CACNA1A: variants seen among roughly 807,000 people sequenced by gnomAD.
CACNA1A encodes the protein voltage-dependent P/Q-type calcium channel subunit alpha-1A.
Under a neutral mutation model 262.4 loss-of-function variants are expected in CACNA1A, and 57 were observed. The observed-to-expected ratio is 0.22, with a 90% CI of 0.18 to 0.27. The LOEUF (loss-of-function observed/expected upper bound fraction) is 0.27, where lower values mean the gene tolerates loss of function less well. Among genes scored for constraint, CACNA1A ranks in the 10% least tolerant of loss-of-function variants. CACNA1A has a pLI of 1.00. For missense variants in CACNA1A, 2,526 were observed against 3,562.8 expected (o/e 0.71, Z 7.41); for synonymous variants, 1,431 against 1,419.3 (o/e 1.01, Z -0.18).
At chr19:13,281,911 C>G (rs1238538548) in intron 22 of CACNA1A, among the ~76,000 whole-genome samples, 1 of 152,298 alleles carries the variant, frequency 6.6e-6, no homozygotes, top group East Asian at 1.9e-4. Flanking sequence ...CTGCCGTGCC[C>G]CCTGGATCAT....
chr19:13,460,227 A>G (rs12974636), intron 1 of CACNA1A, among the ~76,000 whole-genome samples: 23,363 of 152,120 alleles, frequency 0.15, 2,061 homozygotes, highest in East Asian at 0.25. Flanking sequence ...TGCATTTAAA[A>G]AGATCGCCAG....
chr19:13,504,232 A>T (rs1284312746), intron 1 of CACNA1A, among the ~76,000 whole-genome samples: 1 of 152,164 alleles, frequency 6.6e-6, no homozygotes. Context: ...TGAGCACTTC[A>T]ATGGGCCTGG....
chr19:13,359,734 C>A lies in CACNA1A; in HGVS notation c.850G>T (p.Gly284Trp). 1 of 1,577,010 alleles carries A rather than the reference C, an allele frequency of 6.3e-7. No individual in the cohort carries two copies. The highest frequency in any genetic ancestry group is 8.6e-7 in the Non-Finnish European group (1 of 1,161,008). ...TCCCAGTAGGGCTGACATTTGGTCC[C>A]ATTGGGGCAGGTGCGGGCGGGCTCT... ...TEEPARTCPN[G>W]TKCQPYWEGP... Residue 284 changes from glycine (G) to tryptophan (W), a missense_variant, in exon 6 of 47, where the codon GGG becomes TGG. Around this residue, in one of 17 missense-constraint regions of CACNA1A, gnomAD observed 52 missense variants for 124.0 expected, o/e 0.42. Transcript: ENST00000360228.
intron 1 of CACNA1A, among the ~76,000 whole-genome samples, chr19:13,485,767 G>T (rs576641245): frequency 2.0e-5 from 3 of 152,216 alleles, no homozygotes; most frequent in Non-Finnish European, 4.4e-5. Flanking sequence ...CCACCGGCAG[G>T]AGTGTAAATT....
At chr19:13,428,971 CAG>C (rs946850301) in intron 3 of CACNA1A, among the ~76,000 whole-genome samples, 22 of 152,068 alleles carry the variant, frequency 1.4e-4, no homozygotes, top group African/African-American at 4.8e-4. Context: ...ACGCCTCAAA[CAG>C]AGAGAGCCTC....
chr19:13,480,466 CTGTT>C (rs1399249947), intron 1 of CACNA1A, among the ~76,000 whole-genome samples: 2 of 152,102 alleles, frequency 1.3e-5, no homozygotes, highest in African/African-American at 2.4e-5. Context: ...TCTTCATCGA[CTGTT>C]TATGTTACTG....
chr19:13,230,810 G>GAA (rs796204286), intron 35 of CACNA1A, among the ~76,000 whole-genome samples: 3 of 123,420 alleles, frequency 2.4e-5, no homozygotes, highest in African/African-American at 8.9e-5. Flanking sequence ...CCATTTCAAA[G>GAA]AAAAAAAAAA....
At chr19:13,381,109 G>A (rs2144607037) in intron 3 of CACNA1A, among the ~76,000 whole-genome samples, 1 of 152,274 alleles carries the variant, frequency 6.6e-6, no homozygotes, top group Non-Finnish European at 1.5e-5. Context: ...GACCTGCTGG[G>A]CACAAAAGCT....
chr19:13,474,947 G>A (rs1052184910), intron 1 of CACNA1A, among the ~76,000 whole-genome samples: 1 of 152,146 alleles, frequency 6.6e-6, no homozygotes, highest in African/African-American at 2.4e-5. Flanking sequence ...AATGCCCCAG[G>A]CTTTAGAAAC....
At chr19:13,221,652 C>T (rs1482309316) in intron 38 of CACNA1A, among the ~76,000 whole-genome samples, 1 of 152,114 alleles carries the variant, frequency 6.6e-6, no homozygotes, top group East Asian at 1.9e-4. Context: ...CTGACCCCTC[C>T]GCCAAAGCTG....
At chr19:13,405,111 G>T (rs140896785) in intron 3 of CACNA1A, among the ~76,000 whole-genome samples, 4,678 of 152,068 alleles carry the variant, frequency 0.031, 216 homozygotes, top group African/African-American at 0.096. Context: ...GGCCAGGCTG[G>T]TCTCAAACTC....
At chr19:13,252,821 T>C (rs2056438523) in intron 30 of CACNA1A, 170 bp downstream of exon 30, 8 of 515,364 alleles carry the variant, frequency 1.6e-5, no homozygotes, top group South Asian at 1.3e-4. Flanking sequence ...CTGGGACTCC[T>C]TGGCAAACAC....
chr19:13,279,508 T>C (rs1029388509), intron 22 of CACNA1A, among the ~76,000 whole-genome samples: 2 of 152,054 alleles, frequency 1.3e-5, no homozygotes, highest in African/African-American at 4.8e-5. Flanking sequence ...TTTTTTGAGA[T>C]GGTGTCTCAC....
intron 46 of CACNA1A, among the ~76,000 whole-genome samples, chr19:13,208,394 C>T (rs1171884140): frequency 6.6e-6 from 1 of 152,032 alleles, no homozygotes; most frequent in Admixed American, 6.6e-5. Context: ...CACAGGCGTC[C>T]AGAGGACAGA....
At chr19:13,427,453 AAAATAAAT>A (rs58681300) in intron 3 of CACNA1A, among the ~76,000 whole-genome samples, 2,020 of 136,240 alleles carry the variant, frequency 0.015, 39 homozygotes, top group African/African-American at 0.035. Flanking sequence ...ACTCCATCTC[AAAATAAAT>A]AAATAAATAA....
Position 13,261,542 on chromosome 19 carries a change from G to C in CACNA1A, c.4158C>G (p.Phe1386Leu). ...CAGCCACCACGGCGAAGATGAACAT[G>C]AATAGCATGTAGACGATGAGGATGT... Reference protein sequence around the residue: ...VFNILIVYMLFMFIFAVVAVQ... With the variant: ...VFNILIVYMLLMFIFAVVAVQ... Residue 1386 changes from phenylalanine (F) to leucine (L), a missense_variant, in exon 26 of 47, where the codon TTC becomes TTG. By Grantham distance (22) the Phe-to-Leu change is conservative. Coordinates refer to ENST00000360228, the MANE Select transcript of CACNA1A (RefSeq NM_001127222.2). 6.2e-7 allele frequency: 1 copy of C among 1,606,504 alleles called. No individual in the cohort carries two copies. The highest frequency in any genetic ancestry group is 8.5e-7 in the Non-Finnish European group (1 of 1,176,502).
At chr19:13,317,061 T>G in intron 11 of CACNA1A, 51 bp downstream of exon 11, 1 of 1,169,438 alleles carries the variant, frequency 8.6e-7, no homozygotes, top group Non-Finnish European at 1.3e-6. Context: ...GGAAAAAGGG[T>G]GTGAGGGAGG....
chr19:13,437,463 G>T (rs1162152410), intron 3 of CACNA1A, among the ~76,000 whole-genome samples: 2 of 152,088 alleles, frequency 1.3e-5, no homozygotes, highest in Non-Finnish European at 2.9e-5. Context: ...GGCTGAGGAG[G>T]GTGGATCACC....
chr19:13,487,026 C>T (rs1262807737), intron 1 of CACNA1A, among the ~76,000 whole-genome samples: 2 of 152,176 alleles, frequency 1.3e-5, no homozygotes, highest in Non-Finnish European at 2.9e-5. Flanking sequence ...GCATGGCCCA[C>T]CGTGGTTCCC....
Sources: allele counts gnomAD v4.1 joint callset (sites outside exome capture counted in the v4.1 genomes callset), GRCh38; gene constraint gnomAD v4.1.1; regional missense constraint gnomAD v4.1.1; transcripts MANE v1.5; gene names NCBI Gene and HGNC (gene_info 2026-07-23, HGNC 2026-07-21).